NUP62CL: variants seen among roughly 807,000 people sequenced by gnomAD.
NUP62CL encodes nucleoporin-62 C-terminal-like protein.
Under a neutral mutation model 15.3 loss-of-function variants are expected in NUP62CL, and 13 were observed. That is an observed-to-expected ratio of 0.85 (90% CI 0.55 to 1.35). NUP62CL has a LOEUF of 1.35. NUP62CL is among the 40% of genes most tolerant of loss of function. The pLI is 0.00. For synonymous variants in NUP62CL, 54 were observed against 49.2 expected (o/e 1.10, Z -0.41); for missense variants, 123 against 130.6 (o/e 0.94, Z 0.28).
intron 4 of NUP62CL, among the ~76,000 whole-genome samples, chrX:107,160,952 C>G (rs1433865033): frequency 5.5e-5 from 6 of 109,827 alleles, no homozygotes; most frequent in Admixed American, 9.7e-5. Context: ...ACAAACAACC[C>G]CATCAAAAAG....
Position 107,131,876 on chromosome X carries a change from A to G in NUP62CL, c.*43-7544T>C, listed in dbSNP as rs1236637769. On this transcript the variant is annotated intron_variant, in intron 8 of 8. Coordinates refer to ENST00000372466, the MANE Select transcript of NUP62CL (RefSeq NM_017681.3). ...GTTATATTTGAAGAAAATGTTGAACATGCTGATACAGAAGGCAATAATAAA... is the reference window on the plus strand; with the variant it reads ...GTTATATTTGAAGAAAATGTTGAACGTGCTGATACAGAAGGCAATAATAAA... 13 of 1,001,942 alleles carry G rather than the reference A, an allele frequency of 1.3e-5. No homozygotes were observed. The East Asian group carries it at 4.0e-4, about 30-fold the overall frequency. 82.6% of individuals were successfully genotyped at this position (1,001,942 alleles called of 1,213,427 possible). A position where few individuals can be genotyped will look rare whatever the true frequency, so the allele number is the denominator to read the frequency against.
At chrX:107,149,297 T>C (rs1925955389) in intron 7 of NUP62CL, among the ~76,000 whole-genome samples, 1 of 112,594 alleles carries the variant, frequency 8.9e-6, no homozygotes, top group Non-Finnish European at 1.9e-5. Context: ...ACCAAAATTC[T>C]ATTACAACAA....
intron 1 of NUP62CL, among the ~76,000 whole-genome samples, chrX:107,199,961 A>G (rs901132537): frequency 4.5e-5 from 5 of 111,904 alleles, no homozygotes; most frequent in African/African-American, 1.6e-4. Flanking sequence ...GGAAGTAAAA[A>G]CTGAATTACT....
At chrX:107,169,023 A>G (rs953615401) in intron 3 of NUP62CL, among the ~76,000 whole-genome samples, 14 of 112,395 alleles carry the variant, frequency 1.2e-4, no homozygotes, top group African/African-American at 3.9e-4. Flanking sequence ...CCAATGTACT[A>G]CTAGCAGCCT....
At chrX:107,138,884 A>G (rs1227028192) in intron 8 of NUP62CL, among the ~76,000 whole-genome samples, 1 of 112,225 alleles carries the variant, frequency 8.9e-6, no homozygotes, top group Non-Finnish European at 1.9e-5. Flanking sequence ...TAATGTCCTA[A>G]AACTGGAAAC....
At chrX:107,205,129 T>C (rs1442609996) in intron 1 of NUP62CL, among the ~76,000 whole-genome samples, 1 of 111,196 alleles carries the variant, frequency 9.0e-6, no homozygotes, top group Non-Finnish European at 1.9e-5. Flanking sequence ...TTATATATTG[T>C]CTACATGTGT....
chrX:107,137,837 A>T (rs1395821074), intron 8 of NUP62CL, among the ~76,000 whole-genome samples: 1 of 111,650 alleles, frequency 9.0e-6, no homozygotes, highest in Non-Finnish European at 1.9e-5. Context: ...TTCCTATCAA[A>T]TCCCAGGACA....
intron 7 of NUP62CL, among the ~76,000 whole-genome samples, chrX:107,148,413 C>G (rs1351669318): frequency 9.0e-6 from 1 of 111,320 alleles, no homozygotes; most frequent in Non-Finnish European, 1.9e-5. Context: ...AACAATATCT[C>G]TACCAATCAA....
In NUP62CL at chrX:107,163,753, A is replaced by G. The variant is rs888947082; in HGVS notation, c.194+3896T>C. On this transcript the variant is annotated intron_variant, in intron 4 of 8. Transcript: ENST00000372466. The stretch of plus-strand genomic sequence containing the variant: ...GGACTACAGAACAAAGAAAATTACT[A>G]GAACCAAAGAGAGACATTACAGAGT... Among the ~76,000 whole-genome samples, 3 of 112,150 alleles carry G rather than the reference A, an allele frequency of 2.7e-5. No homozygotes were observed. In the East Asian group the frequency reaches 8.4e-4, roughly 31 times the overall value.
intron 8 of NUP62CL, among the ~76,000 whole-genome samples, chrX:107,127,774 C>G (rs1221764755): frequency 9.2e-6 from 1 of 108,300 alleles, no homozygotes; most frequent in African/African-American, 3.5e-5. Context: ...AAAATTGAGG[C>G]AGTGAGATAA....
At chrX:107,162,201 G>A (rs753537146) in intron 4 of NUP62CL, among the ~76,000 whole-genome samples, 4 of 110,139 alleles carry the variant, frequency 3.6e-5, no homozygotes, top group East Asian at 2.9e-4. Flanking sequence ...GAAAAACTTC[G>A]CAGAAACAAA....
chrX:107,188,536 G>A (rs1398820349), intron 2 of NUP62CL, among the ~76,000 whole-genome samples: 1 of 108,315 alleles, frequency 9.2e-6, no homozygotes, highest in Non-Finnish European at 1.9e-5. Flanking sequence ...ATACTTAATA[G>A]TGAAAGACCG....
At chrX:107,162,698 TGAA>T (rs1419446695) in intron 4 of NUP62CL, among the ~76,000 whole-genome samples, 1 of 111,824 alleles carries the variant, frequency 8.9e-6, no homozygotes, top group East Asian at 2.8e-4. Flanking sequence ...AACCTACCCT[TGAA>T]GATTAAACAG....
chrX:107,196,560 G>T (rs1457214111), intron 1 of NUP62CL, among the ~76,000 whole-genome samples: 1 of 112,147 alleles, frequency 8.9e-6, no homozygotes, highest in Non-Finnish European at 1.9e-5. Context: ...TCCTGCCTCA[G>T]CCTCCCAAGT....
chrX:107,175,009 G>A, intron 3 of NUP62CL, 80 bp downstream of exon 3: 1 of 722,210 alleles, frequency 1.4e-6, no homozygotes, highest in Non-Finnish European at 2.2e-6. Flanking sequence ...CTGAGACAGA[G>A]ATCTGTAGCA....
intron 3 of NUP62CL, among the ~76,000 whole-genome samples, chrX:107,169,791 C>T (rs774137755): frequency 1.8e-5 from 2 of 108,746 alleles, no homozygotes; most frequent in South Asian, 8.1e-4. Flanking sequence ...GTAACTACTG[C>T]ATTCAAGACA....
intron 8 of NUP62CL, among the ~76,000 whole-genome samples, chrX:107,130,234 T>TGC (rs1277435319): frequency 3.6e-5 from 4 of 111,700 alleles, no homozygotes; most frequent in Non-Finnish European, 7.5e-5. Flanking sequence ...CATCATCTGA[T>TGC]ATTTCAGTAT....
At chrX:107,155,740 G>A (rs1445835209) in intron 4 of NUP62CL, among the ~76,000 whole-genome samples, 1 of 112,429 alleles carries the variant, frequency 8.9e-6, no homozygotes. Flanking sequence ...AAATGTCCAA[G>A]ATAAAATTTT....
intron 8 of NUP62CL, among the ~76,000 whole-genome samples, chrX:107,146,845 A>G (rs1925893897): frequency 9.0e-6 from 1 of 111,031 alleles, no homozygotes; most frequent in Admixed American, 9.6e-5. Flanking sequence ...TCTCAAGCTC[A>G]CTCTGTACTT....
Sources: gnomAD v4.1 joint callset for allele counts (sites outside exome capture counted in the v4.1 genomes callset) on GRCh38, gnomAD v4.1.1 for gene constraint, MANE v1.5 for transcripts, NCBI Gene and HGNC (gene_info 2026-07-23, HGNC 2026-07-21) for gene names.